LOC400499: variants seen among roughly 807,000 people sequenced by gnomAD.
chr16:11,443,051 T>C, the LOC400499 span, among the ~76,000 whole-genome samples: 1 of 151,932 alleles, frequency 6.6e-6, no homozygotes, highest in Non-Finnish European at 1.5e-5. Flanking sequence ...TGGCCGGGCG[T>C]GGTGGTTCAT....
At chr16:11,508,050 G>C in the LOC400499 span, among the ~76,000 whole-genome samples, 2 of 152,292 alleles carry the variant, frequency 1.3e-5, no homozygotes, top group Non-Finnish European at 1.5e-5. Context: ...ATGTAATTAA[G>C]TTAAGGATCT....
At chr16:11,436,014 A>G in the LOC400499 span, 101 of 397,378 alleles carry the variant, frequency 2.5e-4, no homozygotes, top group African/African-American at 2.0e-3. Context: ...ACAGCACACA[A>G]TTAAGAGGAG....
chr16:11,387,186 G>A, the LOC400499 span: 27 of 1,232,116 alleles, frequency 2.2e-5, no homozygotes, highest in Admixed American at 4.2e-5. Context: ...GACAGCTCTC[G>A]GAGCGGCCGC....
the LOC400499 span, among the ~76,000 whole-genome samples, chr16:11,506,081 G>A: frequency 5.3e-5 from 8 of 152,084 alleles, no homozygotes; most frequent in Admixed American, 5.2e-4. Context: ...TTGTCACCCA[G>A]GCTGGAGTGC....
At chr16:11,457,819 G>T in the LOC400499 span, among the ~76,000 whole-genome samples, 1 of 152,164 alleles carries the variant, frequency 6.6e-6, no homozygotes, top group Non-Finnish European at 1.5e-5. Context: ...TACAGACAAT[G>T]GAGTATTCGG....
the LOC400499 span, among the ~76,000 whole-genome samples, chr16:11,403,672 G>A: frequency 1.8e-4 from 28 of 152,218 alleles, no homozygotes; most frequent in Non-Finnish European, 3.5e-4. Flanking sequence ...GCTGTGGGTC[G>A]GGCTCTGCTC....
the LOC400499 span, among the ~76,000 whole-genome samples, chr16:11,503,793 G>A: frequency 5.3e-5 from 8 of 152,146 alleles, no homozygotes; most frequent in East Asian, 5.8e-4. Context: ...TCCTTCCTCC[G>A]GCAGGACCCA....
the LOC400499 span, among the ~76,000 whole-genome samples, chr16:11,395,379 C>A: frequency 6.6e-6 from 1 of 152,304 alleles, no homozygotes; most frequent in Admixed American, 6.5e-5. Flanking sequence ...GCAAGAGGAC[C>A]AGCCTCTTGC....
At chr16:11,493,267 ACT>A in the LOC400499 span, among the ~76,000 whole-genome samples, 341 of 152,268 alleles carry the variant, frequency 2.2e-3, no homozygotes, top group Non-Finnish European at 3.9e-3. Flanking sequence ...CAATGACTTG[ACT>A]CTGCAGGTGG....
At chr16:11,477,924 G>A in the LOC400499 span, 13 of 398,866 alleles carry the variant, frequency 3.3e-5, no homozygotes, top group East Asian at 1.8e-4. Flanking sequence ...AGGGTCAGCC[G>A]GGCAGGAAGG....
chr16:11,441,171 G>C, the LOC400499 span: 1 of 398,016 alleles, frequency 2.5e-6, no homozygotes, highest in Non-Finnish European at 4.4e-6. Flanking sequence ...TCAGAAGAAA[G>C]TAGTCCAAAG....
the LOC400499 span, chr16:11,471,919 A>C: frequency 1.6e-4 from 64 of 398,162 alleles, no homozygotes; most frequent in South Asian, 8.2e-3. Flanking sequence ...CCTCTTCTCT[A>C]ATTTCTTCTG....
chr16:11,470,378 G>A, the LOC400499 span, among the ~76,000 whole-genome samples: 1 of 152,182 alleles, frequency 6.6e-6, no homozygotes. Context: ...CTCGTGCTCT[G>A]GGGCTCCCTG....
chr16:11,484,528 G>A, the LOC400499 span, among the ~76,000 whole-genome samples: 1 of 152,128 alleles, frequency 6.6e-6, no homozygotes, highest in East Asian at 1.9e-4. Flanking sequence ...TCAGAAGAGT[G>A]GTTACTCCTG....
the LOC400499 span, among the ~76,000 whole-genome samples, chr16:11,476,176 GC>G: frequency 6.6e-6 from 1 of 151,370 alleles, no homozygotes; most frequent in African/African-American, 2.4e-5. Flanking sequence ...TGAGTGAGGG[GC>G]AGGGAACAGG....
chr16:11,452,184 G>C, the LOC400499 span, among the ~76,000 whole-genome samples: 1 of 148,096 alleles, frequency 6.8e-6, no homozygotes, highest in East Asian at 2.0e-4. Context: ...ACATCTGTCT[G>C]GTTGCTCAGT....
the LOC400499 span, chr16:11,460,875 G>T: frequency 4.9e-6 from 7 of 1,415,760 alleles, no homozygotes; most frequent in African/African-American, 8.6e-5. Context: ...TGGTGACAGC[G>T]TATCTCAGCT....
the LOC400499 span, chr16:11,384,409 T>C: frequency 1.4e-6 from 1 of 736,272 alleles, no homozygotes; most frequent in Non-Finnish European, 1.9e-6. Context: ...AGGACCTGTG[T>C]GTGAGATGAG....
the LOC400499 span, among the ~76,000 whole-genome samples, chr16:11,408,451 A>ATTTTTTTTTT: frequency 7.6e-6 from 1 of 131,212 alleles, no homozygotes. Flanking sequence ...TCAGTGCAGG[A>ATTTTTTTTTT]TTTTTTTTTT....
Sources: allele counts gnomAD v4.1 joint callset (sites outside exome capture counted in the v4.1 genomes callset), GRCh38; gene constraint gnomAD v4.1.1; transcripts MANE v1.5.